Variants in PCDHA5 observed in about 807,000 individuals in gnomAD.
PCDHA5 encodes protocadherin alpha-5.
In PCDHA5, 43 loss-of-function variants were observed where a neutral mutation model predicts 61.6. That is an observed-to-expected ratio of 0.70 (90% CI 0.55 to 0.90). PCDHA5 has a LOEUF of 0.90. PCDHA5 is among the 40% of genes least tolerant of loss of function. The pLI, the probability that PCDHA5 is intolerant of heterozygous loss-of-function variation, is 0.00. For synonymous variants in PCDHA5, 627 were observed against 543.9 expected, an observed-to-expected ratio of 1.15 and a Z score of -2.13; for missense variants, 1,298 against 1,222.7, an observed-to-expected ratio of 1.06 and a Z score of -0.92.
chr5:140,933,270 C>T (rs1388946153), intron 1 of PCDHA5, among the ~76,000 whole-genome samples: 1 of 151,842 alleles, frequency 6.6e-6, no homozygotes, highest in African/African-American at 2.4e-5. Context: ...ATTATATATT[C>T]ATTTGGAACT....
chr5:140,928,043 C>G (rs1554205400), intron 1 of PCDHA5: 2 of 1,614,192 alleles, frequency 1.2e-6, no homozygotes, highest in Non-Finnish European at 1.7e-6. Context: ...AGTGCAGGCC[C>G]TTTTCAGCTG....
At chr5:140,909,082 G>T (rs1190064294) in intron 1 of PCDHA5, among the ~76,000 whole-genome samples, 2 of 152,184 alleles carry the variant, frequency 1.3e-5, no homozygotes, top group Non-Finnish European at 2.9e-5. Context: ...CAGTGTGTTT[G>T]CTACTTCTCA....
At chr5:140,958,530 A>G (rs1283308982) in intron 1 of PCDHA5, among the ~76,000 whole-genome samples, 1 of 152,188 alleles carries the variant, frequency 6.6e-6, no homozygotes, top group East Asian at 1.9e-4. Flanking sequence ...TACTATGTGT[A>G]CATTGATTTA....
At chr5:140,948,857 T>C (rs1554218731) in intron 1 of PCDHA5, among the ~76,000 whole-genome samples, 2 of 151,686 alleles carry the variant, frequency 1.3e-5, no homozygotes. Flanking sequence ...TGCCTTCTTA[T>C]ATTACTTCGG....
chr5:140,915,681 G>C (rs1261107431), intron 1 of PCDHA5, among the ~76,000 whole-genome samples: 1 of 151,116 alleles, frequency 6.6e-6, no homozygotes, highest in Non-Finnish European at 1.5e-5. Context: ...TCTTGAACTA[G>C]GGGTATGGTG....
intron 1 of PCDHA5, among the ~76,000 whole-genome samples, chr5:140,895,416 C>A (rs2065002617): frequency 6.6e-6 from 1 of 152,168 alleles, no homozygotes; most frequent in South Asian, 2.1e-4. Context: ...CCATAACCTT[C>A]TTTTGCTTCC....
chr5:140,906,718 G>C (rs1554192673), intron 1 of PCDHA5, among the ~76,000 whole-genome samples: 1 of 152,140 alleles, frequency 6.6e-6, no homozygotes, highest in Admixed American at 6.5e-5. Flanking sequence ...TGCCTGGATT[G>C]TGCTGTTGTA....
chr5:140,856,130 G>A lies in PCDHA5; in HGVS notation c.2352+32003G>A. The stretch of plus-strand genomic sequence containing the variant: ...CCTCGCAGCCTGGGAGGTGGGGAGC[G>A]GCCAGCTCCACTACTCAGTCTACGA... On this transcript the variant is annotated intron_variant, in intron 1 of 3. Transcript: ENST00000529859. 7 of 1,598,068 alleles carry A rather than the reference G, an allele frequency of 4.4e-6. 1 individual carries two copies. The highest frequency in any genetic ancestry group is 6.0e-6 in the Non-Finnish European group (7 of 1,167,790).
intron 1 of PCDHA5, among the ~76,000 whole-genome samples, chr5:140,952,008 G>A (rs1427518321): frequency 6.6e-6 from 1 of 152,132 alleles, no homozygotes; most frequent in Non-Finnish European, 1.5e-5. Context: ...AAGAATTATA[G>A]GCCCCATGCA....
At chr5:140,926,296 G>A in intron 1 of PCDHA5, 1 of 152,316 alleles carries the variant, frequency 6.6e-6, no homozygotes, top group Non-Finnish European at 1.5e-5. Context: ...GCTGAGTCCC[G>A]CCCTCTCCGC....
At chr5:140,911,607 T>C (rs1309017145) in intron 1 of PCDHA5, among the ~76,000 whole-genome samples, 1 of 152,222 alleles carries the variant, frequency 6.6e-6, no homozygotes, top group African/African-American at 2.4e-5. Context: ...CTTCATTATG[T>C]TCCTTAGTTC....
intron 1 of PCDHA5, chr5:140,882,018 A>G (rs2058907575): frequency 1.8e-6 from 1 of 559,242 alleles, no homozygotes; most frequent in South Asian, 4.1e-5. Flanking sequence ...AAAATACTAC[A>G]TCAATGGAAA....
At chr5:140,855,129 T>A (rs1294464792) in intron 1 of PCDHA5, among the ~76,000 whole-genome samples, 1 of 149,788 alleles carries the variant, frequency 6.7e-6, no homozygotes, top group African/African-American at 2.4e-5. Context: ...TAGGTAATAA[T>A]TTTGCCTGAT....
intron 1 of PCDHA5, chr5:140,875,556 C>G (rs781896642): frequency 6.2e-7 from 1 of 1,614,128 alleles, no homozygotes; most frequent in East Asian, 2.2e-5. Flanking sequence ...AGGTGGGGAG[C>G]GGCCAGCTCC....
chr5:140,883,762 G>T, intron 1 of PCDHA5: 3 of 1,612,794 alleles, frequency 1.9e-6, no homozygotes, highest in Non-Finnish European at 2.5e-6. Context: ...TGGAGCGGCG[G>T]GTGGGCGAGC....
chr5:140,842,836 G>A (rs2150345985), intron 1 of PCDHA5: 2 of 1,593,818 alleles, frequency 1.3e-6, no homozygotes, highest in East Asian at 2.2e-5. Context: ...GCTCGCTGTC[G>A]AGCTACATTT....
chr5:140,884,699 C>A, intron 1 of PCDHA5: 3 of 1,500,334 alleles, frequency 2.0e-6, no homozygotes, highest in Non-Finnish European at 2.7e-6. Context: ...TTAGTAAACA[C>A]TTTAGCCTTC....
At position 140,822,871 on chromosome 5, in the gene PCDHA5, A is replaced by G. The variant is rs1767455732; in HGVS notation, c.1096A>G (p.Thr366Ala). Residue 366 changes from threonine (T) to alanine (A), a missense_variant, in exon 1 of 4, where the codon ACG (threonine) becomes GCG (alanine). Coordinates refer to ENST00000529859, the MANE Select transcript of PCDHA5 (RefSeq NM_018908.3). Reference protein sequence around the residue: ...LPVKEDAPLSTVIALISVSDR... With the variant: ...LPVKEDAPLSAVIALISVSDR... ...TGTCAAAGAGGACGCTCCACTCAGC[A>G]CGGTCATTGCTCTGATCAGCGTGTC... The G allele has an allele frequency of 6.2e-7, 1 of 1,614,204 alleles. No homozygotes were observed. The highest frequency in any genetic ancestry group is 8.5e-7 in the Non-Finnish European group (1 of 1,180,044).
chr5:140,833,685 T>C (rs1301344321), intron 1 of PCDHA5, among the ~76,000 whole-genome samples: 2 of 152,124 alleles, frequency 1.3e-5, no homozygotes, highest in South Asian at 2.1e-4. Context: ...CCAAACCTTC[T>C]CTTATTTTGT....
Sources: allele counts gnomAD v4.1 joint callset (sites outside exome capture counted in the v4.1 genomes callset), GRCh38; gene constraint gnomAD v4.1.1; transcripts MANE v1.5; gene names NCBI Gene and HGNC (gene_info 2026-07-23, HGNC 2026-07-21).